KRT73: variants seen among roughly 807,000 people sequenced by gnomAD.
KRT73 encodes the protein keratin 73.
KRT73 carries 44 observed loss-of-function variants against 47.2 expected under a neutral mutation model. That is an observed-to-expected ratio of 0.93 (90% CI 0.73 to 1.20). The LOEUF is 1.20. KRT73 is among the 50% of genes most tolerant of loss of function. The probability of loss-of-function intolerance (pLI) is 0.00; values close to 1 mark genes in which losing one functional copy is unlikely to be tolerated. For synonymous variants in KRT73, 285 were observed against 291.3 expected (o/e 0.98, Z 0.22); for missense variants, 713 against 704.5 (o/e 1.01, Z -0.14).
intron 1 of KRT73, among the ~76,000 whole-genome samples, chr12:52,617,438 G>A (rs1340111160): frequency 6.6e-6 from 1 of 152,164 alleles, no homozygotes; most frequent in Non-Finnish European, 1.5e-5. Flanking sequence ...TCTAACAAGC[G>A]TCCAGGTGAC....
upstream of KRT73, among the ~76,000 whole-genome samples, chr12:52,622,509 G>A (rs1940921738): frequency 1.3e-5 from 2 of 152,214 alleles, no homozygotes; most frequent in African/African-American, 4.8e-5. Flanking sequence ...AGAAGAAGGA[G>A]ACACGGAACT....
chr12:52,610,630 T>C lies in KRT73; in HGVS notation c.1316A>G (p.Glu439Gly). The change falls in exon 7 of 9, where the codon GAG becomes GGG. Residue 439 changes from glutamate to glycine, a missense_variant. Glu to Gly is a moderately conservative substitution (Grantham distance 98, BLOSUM62 -2). Coordinates refer to ENST00000305748, the MANE Select transcript of KRT73 (RefSeq NM_175068.3). Reference sequence around the variant, plus strand: ...TCCCACCCACCTGCACTCCTCGCCCTCCAGCAGCTTGCGGTAGGTGGCGAT... The same window carrying C: ...TCCCACCCACCTGCACTCCTCGCCCCCCAGCAGCTTGCGGTAGGTGGCGAT... ...IEIATYRKLL[E>G]GEECRMSGEY... 1 of 1,402,672 alleles carries C rather than the reference T, an allele frequency of 7.1e-7. No homozygotes were observed. The highest frequency in any genetic ancestry group is 9.5e-7 in the Non-Finnish European group (1 of 1,051,980). The allele number at this position is 1,402,672 out of a possible 1,614,324, so 86.9% of individuals were successfully genotyped here. A position where few individuals can be genotyped will look rare whatever the true frequency, so the allele number is the denominator to read the frequency against.
chr12:52,623,143 C>G (rs1940927755), upstream of KRT73, among the ~76,000 whole-genome samples: 1 of 152,128 alleles, frequency 6.6e-6, no homozygotes, highest in South Asian at 2.1e-4. Context: ...CTGAGCAAAC[C>G]CTAAACAGAA....
At chr12:52,609,956 G>A (rs1592241544) in intron 7 of KRT73, 2 of 153,616 alleles carry the variant, frequency 1.3e-5, no homozygotes, top group African/African-American at 4.8e-5. Context: ...AAACTTTTGG[G>A]CTAAATAATG....
At chr12:52,618,628 C>A (rs1018411211), upstream of KRT73, 4 of 1,239,298 alleles carry the variant, frequency 3.2e-6, no homozygotes, top group Non-Finnish European at 3.3e-6. Flanking sequence ...CAAGAGGGAG[C>A]CATGGGCCTA....
intron 7 of KRT73, 92 bp from the exon 8 acceptor site, chr12:52,609,373 GA>G: frequency 1.9e-6 from 2 of 1,063,444 alleles, no homozygotes; most frequent in Non-Finnish European, 2.9e-6. Flanking sequence ...TCCCCAGCCA[GA>G]CCAGCTCAGC....
chr12:52,619,893 C>T (rs894142033), upstream of KRT73, among the ~76,000 whole-genome samples: 2 of 152,058 alleles, frequency 1.3e-5, no homozygotes, highest in Non-Finnish European at 2.9e-5. Flanking sequence ...GTTGGCCCAT[C>T]CTTCTTTTCT....
At position 52,607,947 on chromosome 12, in the gene KRT73, C is replaced by A. The variant is rs984595983; in HGVS notation, c.*249G>T. On this transcript the variant is annotated 3_prime_UTR_variant, in exon 9 of 9. Coordinates refer to ENST00000305748, the MANE Select transcript of KRT73 (RefSeq NM_175068.3). The stretch of plus-strand genomic sequence containing the variant: ...GCAGGCAGAGAAAAGGCCAAGTCTT[C>A]TTCCAGAAGGGGAGGCTGAGTTAAA... 6 of 476,376 alleles carry A rather than the reference C, an allele frequency of 1.3e-5. No homozygotes were observed. The highest frequency in any genetic ancestry group is 1.1e-4 in the East Asian group (3 of 27,334). 29.5% of individuals were successfully genotyped at this position (476,376 alleles called of 1,614,324 possible). A position where few individuals can be genotyped will look rare whatever the true frequency, so the allele number is the denominator to read the frequency against.
At position 52,616,188 on chromosome 12, in the gene KRT73, C is replaced by A. The variant is rs1203322145; in HGVS notation, c.640G>T (p.Val214Leu). 1.2e-6 allele frequency: 2 copies of A among 1,614,020 alleles called. No homozygotes were observed. Among genetic ancestry groups the A allele is most frequent in the Non-Finnish European group, 1.7e-6 (2 of 1,180,008 alleles). Reference sequence around the variant, plus strand: ...CACCTCTTCTTGTAGTCCTCCACCACTTCGCGCACGCTCCTCAGCTCCGAG... The same window carrying A: ...CACCTCTTCTTGTAGTCCTCCACCAATTCGCGCACGCTCCTCAGCTCCGAG... ...LDSELRSVREVVEDYKKRYEE... is the reference protein window; with the variant it reads ...LDSELRSVRELVEDYKKRYEE... The change falls in exon 2 of 9, where the codon GTG (valine) becomes TTG (leucine). Residue 214 changes from valine to leucine, a missense_variant. Transcript: ENST00000305748.
chr12:52,619,845 A>G (rs1199561860), upstream of KRT73, among the ~76,000 whole-genome samples: 2 of 152,134 alleles, frequency 1.3e-5, no homozygotes, highest in African/African-American at 4.8e-5. Context: ...CTCCATAAAA[A>G]CACAAGTATT....
At chr12:52,610,001 T>C (rs1940659945) in intron 7 of KRT73, 1 of 155,580 alleles carries the variant, frequency 6.4e-6, no homozygotes, top group Non-Finnish European at 1.4e-5. Context: ...ACCTGAGATC[T>C]ACTGTCTCTT....
At chr12:52,615,790 G>A (rs533135402) in intron 2 of KRT73, among the ~76,000 whole-genome samples, 1 of 152,290 alleles carries the variant, frequency 6.6e-6, no homozygotes, top group East Asian at 1.9e-4. Flanking sequence ...AAGGCAATGA[G>A]AGAGGAAGCC....
chr12:52,611,430 G>A, intron 5 of KRT73, 101 bp from the exon 6 acceptor site: 1 of 1,455,682 alleles, frequency 6.9e-7, no homozygotes, highest in South Asian at 1.3e-5. Context: ...TGGCAGAGGT[G>A]GGTCCAGGTC....
rs776020600 is a variant in KRT73, at chr12:52,618,323, C to T, written c.202G>A (p.Ala68Thr). 2.9e-5 allele frequency: 47 copies of T among 1,614,170 alleles called. No individual in the cohort carries two copies. Among genetic ancestry groups the T allele is most frequent in the South Asian group, 6.6e-5 (6 of 91,072 alleles). The change falls in exon 1 of 9, where the codon GCA (alanine) becomes ACA (threonine). Residue 68 changes from alanine to threonine, a missense_variant. By Grantham distance (58) the Ala-to-Thr change is moderately conservative (BLOSUM62 0). Coordinates refer to ENST00000305748, the MANE Select transcript of KRT73 (RefSeq NM_175068.3). ...SFNVASGSGW[A>T]GGYGFGRGRA... The stretch of plus-strand genomic sequence containing the variant: ...CCCCGGCCAAATCCATAGCCTCCTG[C>T]CCACCCACTGCCACTGGCCACATTG...
intron 3 of KRT73, 42 bp downstream of exon 3, chr12:52,615,237 C>T (rs1375557331): frequency 1.6e-5 from 25 of 1,540,014 alleles, no homozygotes; most frequent in Non-Finnish European, 2.1e-5. Context: ...AGCCCAGCAC[C>T]CACTGCTGGG....
intron 5 of KRT73, chr12:52,613,427 T>G (rs1940743073): frequency 4.8e-6 from 2 of 414,290 alleles, no homozygotes; most frequent in Non-Finnish European, 8.0e-6. Flanking sequence ...CCCCACCTGG[T>G]CCTAGTTCCT....
At chr12:52,623,437 A>G (rs945102524), upstream of KRT73, among the ~76,000 whole-genome samples, 1 of 152,222 alleles carries the variant, frequency 6.6e-6, no homozygotes. Context: ...AAAAACTAAG[A>G]ATGTGTTTCC....
At chr12:52,610,529 G>GCGGGGGCCCCCCCCCCCCC in intron 7 of KRT73, 86 bp downstream of exon 7, 1 of 295,156 alleles carries the variant, frequency 3.4e-6, no homozygotes, top group Non-Finnish European at 6.8e-6. Flanking sequence ...CCAGCTCGCC[G>GCGGGGGCCCCCCCCCCCCC]CCCCCTCCCC....
chr12:52,621,295 G>GC (rs1468239770), upstream of KRT73, among the ~76,000 whole-genome samples: 4 of 138,828 alleles, frequency 2.9e-5, no homozygotes, highest in Non-Finnish European at 6.1e-5. Flanking sequence ...AAGAAAGGGG[G>GC]GGGGGGGGAG....
Sources: allele counts gnomAD v4.1 joint callset (sites outside exome capture counted in the v4.1 genomes callset), GRCh38; gene constraint gnomAD v4.1.1; transcripts MANE v1.5; gene names NCBI Gene and HGNC (gene_info 2026-07-23, HGNC 2026-07-21).